SDK1: variants seen among roughly 807,000 people sequenced by gnomAD.
The protein encoded by SDK1 is sidekick cell adhesion molecule 1, also known as protein sidekick-1.
Under a neutral mutation model 245.5 loss-of-function variants are expected in SDK1, and 157 were observed. That is an observed-to-expected ratio of 0.64 (90% confidence interval 0.56 to 0.73). SDK1 has a LOEUF of 0.73. SDK1 is among the 30% of genes least tolerant of loss of function. The pLI is 0.00. For missense variants in SDK1, 3,583 were observed against 3,002.3 expected (o/e 1.19, Z -4.52); for synonymous variants, 1,647 against 1,278.5 (o/e 1.29, Z -6.15).
intron 1 of SDK1, among the ~76,000 whole-genome samples, chr7:3,563,226 A>G (rs1001595266): frequency 3.9e-5 from 6 of 152,184 alleles, no homozygotes; most frequent in Admixed American, 1.3e-4. Context: ...ACAAAAATAA[A>G]ATACAGTAAA....
chr7:4,009,589 A>G (rs1785773633), intron 14 of SDK1, among the ~76,000 whole-genome samples: 1 of 152,274 alleles, frequency 6.6e-6, no homozygotes, highest in South Asian at 2.1e-4. Flanking sequence ...ATCAAAAGCC[A>G]AGAACGCTGA....
At chr7:3,370,575 C>T (rs558953066) in intron 1 of SDK1, among the ~76,000 whole-genome samples, 6 of 152,240 alleles carry the variant, frequency 3.9e-5, no homozygotes, top group Admixed American at 1.3e-4. Context: ...TACTTGGGCC[C>T]GATATACCGC....
intron 1 of SDK1, among the ~76,000 whole-genome samples, chr7:3,399,779 C>T (rs533804257): frequency 6.6e-6 from 1 of 152,220 alleles, no homozygotes; most frequent in Admixed American, 6.5e-5. Flanking sequence ...GTGTATGGCT[C>T]TTTCCTCGGC....
chr7:3,593,061 G>C (rs1780935216), intron 1 of SDK1, among the ~76,000 whole-genome samples: 1 of 152,210 alleles, frequency 6.6e-6, no homozygotes, highest in Non-Finnish European at 1.5e-5. Flanking sequence ...AGATGCAGAA[G>C]AGAATTTTGC....
chr7:3,585,923 C>T (rs1425878750), intron 1 of SDK1, among the ~76,000 whole-genome samples: 23 of 152,202 alleles, frequency 1.5e-4, no homozygotes, highest in Admixed American at 1.5e-3. Context: ...TCTACCATTT[C>T]TTTGTTGCTA....
At chr7:3,924,566 C>G (rs552247262) in intron 5 of SDK1, among the ~76,000 whole-genome samples, 4 of 152,270 alleles carry the variant, frequency 2.6e-5, no homozygotes, top group African/African-American at 7.2e-5. Context: ...CTGTTTGGGT[C>G]TCGTACGTTA....
At chr7:3,406,142 A>T (rs1037404721) in intron 1 of SDK1, among the ~76,000 whole-genome samples, 21 of 152,196 alleles carry the variant, frequency 1.4e-4, no homozygotes, top group Non-Finnish European at 1.5e-5. Flanking sequence ...AACAAACTCT[A>T]GAACAAGTTA....
At chr7:3,467,677 A>G (rs960701668) in intron 1 of SDK1, among the ~76,000 whole-genome samples, 1 of 152,074 alleles carries the variant, frequency 6.6e-6, no homozygotes, top group Non-Finnish European at 1.5e-5. Flanking sequence ...CTTACATTCA[A>G]TTTCTTCGTT....
At chr7:3,495,833 C>T (rs990195942) in intron 1 of SDK1, among the ~76,000 whole-genome samples, 1 of 152,156 alleles carries the variant, frequency 6.6e-6, no homozygotes, top group Non-Finnish European at 1.5e-5. Flanking sequence ...CCTGGGTGCT[C>T]CTACAAAACG....
rs1562399211 is a variant in SDK1, at chr7:3,301,899, G to C, written c.298+15G>C. ...GCTGGCGCAAGGTAGGTGCGCGCGG[G>C]GTCGCGGGCCGGGGGCGTCGCCTCG... On this transcript the variant is annotated intron_variant, in intron 1 of 44. Transcript: ENST00000404826. 1 of 1,135,194 alleles carries C rather than the reference G, an allele frequency of 8.8e-7. No individual in the cohort carries two copies. The highest frequency in any genetic ancestry group is 4.3e-5 in the East Asian group (1 of 23,244). The allele number at this position is 1,135,194 out of a possible 1,614,324, so 70.3% of individuals were successfully genotyped here.
At chr7:3,397,941 C>A (rs980300231) in intron 1 of SDK1, among the ~76,000 whole-genome samples, 6 of 152,208 alleles carry the variant, frequency 3.9e-5, no homozygotes, top group African/African-American at 1.4e-4. Context: ...TTTGCCCCTT[C>A]AGATTGTGTG....
intron 14 of SDK1, among the ~76,000 whole-genome samples, chr7:3,999,036 T>C (rs186435088): frequency 2.0e-5 from 3 of 152,228 alleles, no homozygotes; most frequent in Non-Finnish European, 4.4e-5. Flanking sequence ...TTTGTTTGTA[T>C]GTATGTCATT....
intron 1 of SDK1, among the ~76,000 whole-genome samples, chr7:3,484,348 A>G (rs867094986): frequency 2.0e-5 from 3 of 152,124 alleles, no homozygotes; most frequent in Non-Finnish European, 4.4e-5. Flanking sequence ...CGAAACCTAC[A>G]TATATGGGGG....
intron 7 of SDK1, among the ~76,000 whole-genome samples, chr7:3,955,415 C>G (rs1327808834): frequency 6.6e-6 from 1 of 152,198 alleles, no homozygotes; most frequent in Admixed American, 6.5e-5. Context: ...AAATTGGGCC[C>G]ACCCAGCGAA....
chr7:4,121,442 G>C (rs1281015238), intron 25 of SDK1, among the ~76,000 whole-genome samples: 1 of 152,054 alleles, frequency 6.6e-6, no homozygotes, highest in Non-Finnish European at 1.5e-5. Context: ...GTTTTATAAG[G>C]GGCTCTTCCT....
chr7:3,307,395 TCA>T (rs758021215), intron 1 of SDK1, among the ~76,000 whole-genome samples: 2 of 152,208 alleles, frequency 1.3e-5, no homozygotes, highest in Non-Finnish European at 2.9e-5. Context: ...CAAAAGTCTG[TCA>T]CAGTTAGATA....
At chr7:3,659,690 A>G (rs1783294996) in intron 4 of SDK1, among the ~76,000 whole-genome samples, 1 of 152,230 alleles carries the variant, frequency 6.6e-6, no homozygotes, top group African/African-American at 2.4e-5. Flanking sequence ...GATTGGCTTT[A>G]AGAAAACCAG....
chr7:3,949,175 A>C (rs940164505), intron 5 of SDK1, among the ~76,000 whole-genome samples: 1 of 152,144 alleles, frequency 6.6e-6, no homozygotes, highest in African/African-American at 2.4e-5. Flanking sequence ...AGAGTTGGAG[A>C]GTCTAGAGAT....
intron 1 of SDK1, among the ~76,000 whole-genome samples, chr7:3,406,868 A>G (rs1248522505): frequency 6.6e-6 from 1 of 152,194 alleles, no homozygotes; most frequent in Non-Finnish European, 1.5e-5. Flanking sequence ...CTATTTTATA[A>G]GATAAATGTG....
Sources: allele counts gnomAD v4.1 joint callset (sites outside exome capture counted in the v4.1 genomes callset), GRCh38; gene constraint gnomAD v4.1.1; transcripts MANE v1.5; gene names NCBI Gene and HGNC (gene_info 2026-07-23, HGNC 2026-07-21).